GSK3B: variants seen among roughly 807,000 people sequenced by gnomAD.
The protein encoded by GSK3B is glycogen synthase kinase 3 beta, also known as glycogen synthase kinase-3 beta.
Under a neutral mutation model 56.4 loss-of-function variants are expected in GSK3B, and 15 were observed. The ratio of observed to expected loss-of-function variants is 0.27; its 90% confidence interval spans 0.18 to 0.41. GSK3B has a LOEUF of 0.41. Ranked by LOEUF, GSK3B falls within the 10% of genes least tolerant of loss-of-function variation. GSK3B has a pLI of 1.00. For missense variants in GSK3B, 300 were observed against 513.4 expected (o/e 0.58, Z 4.02); for synonymous variants, 181 against 188.9 (o/e 0.96, Z 0.34).
chr3:120,028,690 C>G (rs940595944), intron 1 of GSK3B: 2 of 427,016 alleles, frequency 4.7e-6, no homozygotes, highest in African/African-American at 4.1e-5. Context: ...TTCCTCCACA[C>G]GTCTCAAAAC....
chr3:120,091,493 G>T (rs112201072), intron 1 of GSK3B, among the ~76,000 whole-genome samples: 3,945 of 152,176 alleles, frequency 0.026, 176 homozygotes, highest in African/African-American at 0.089. Flanking sequence ...AGAAAATCCT[G>T]AAAAGAAAAT....
Position 119,825,959 on chromosome 3 carries a change from T to C in GSK3B, c.*829A>G, listed in dbSNP as rs1258087320. The C allele has an allele frequency of 2.3e-5, 5 of 214,844 alleles. No individual in the cohort carries two copies. The highest frequency in any genetic ancestry group is 3.7e-5 in the Non-Finnish European group (4 of 106,804). The allele number at this position is 214,844 out of a possible 1,614,324, so 13.3% of individuals were successfully genotyped here. A position where few individuals can be genotyped will look rare whatever the true frequency, so the allele number is the denominator to read the frequency against. On this transcript the variant is annotated 3_prime_UTR_variant, in exon 11 of 11. Coordinates refer to ENST00000264235, the MANE Select transcript of GSK3B (RefSeq NM_001146156.2). ...CTCAGCCTGCTCAACACCCCTTCCA[T>C]CTCCTCCCAGGTCACTAGTTTGAAA...
chr3:120,048,475 A>C (rs10934505), intron 1 of GSK3B, among the ~76,000 whole-genome samples: 1 of 151,996 alleles, frequency 6.6e-6, no homozygotes, highest in African/African-American at 2.4e-5. Context: ...CCACTTACTA[A>C]CTGTATTACT....
At chr3:120,021,478 G>A (rs974691915) in intron 1 of GSK3B, among the ~76,000 whole-genome samples, 6 of 151,592 alleles carry the variant, frequency 4.0e-5, no homozygotes, top group African/African-American at 7.3e-5. Context: ...ATTGCGCCAC[G>A]GCACTCCAGC....
chr3:120,050,174 A>T (rs2058136952), intron 1 of GSK3B, among the ~76,000 whole-genome samples: 1 of 152,188 alleles, frequency 6.6e-6, no homozygotes, highest in Non-Finnish European at 1.5e-5. Flanking sequence ...TTCCCATGAG[A>T]ACTAATCTAG....
intron 2 of GSK3B, among the ~76,000 whole-genome samples, chr3:119,949,187 G>C (rs960438826): frequency 6.6e-6 from 1 of 152,134 alleles, no homozygotes; most frequent in Non-Finnish European, 1.5e-5. Flanking sequence ...TAAATTCCCA[G>C]ATAACAGAAG....
At position 119,825,834 on chromosome 3, in the gene GSK3B, C is replaced by CT. The variant is rs1478950799; in HGVS notation, c.*953dup. 12 of 218,808 alleles carry CT rather than the reference C, an allele frequency of 5.5e-5. No individual in the cohort carries two copies. The highest frequency in any genetic ancestry group is 8.2e-5 in the Non-Finnish European group (9 of 109,286). 13.6% of individuals were successfully genotyped at this position (218,808 alleles called of 1,614,324 possible). A position where few individuals can be genotyped will look rare whatever the true frequency, so the allele number is the denominator to read the frequency against. On this transcript the variant is annotated 3_prime_UTR_variant, in exon 11 of 11. Transcript: ENST00000264235. ...AAGTGTATCTTTCCAAGGGAAGTAA[C>CT]TTTAGAAAAAAATCTGGACAAACTT...
chr3:119,871,720 A>T (rs2056251835), intron 8 of GSK3B, among the ~76,000 whole-genome samples: 1 of 152,206 alleles, frequency 6.6e-6, no homozygotes, highest in Non-Finnish European at 1.5e-5. Context: ...AGCAAGAGGC[A>T]GAAATGAATG....
chr3:119,862,498 C>T (rs60389731), intron 9 of GSK3B, among the ~76,000 whole-genome samples: 26,184 of 101,940 alleles, frequency 0.26, 3,372 homozygotes, highest in East Asian at 0.51. Context: ...ACAATGTGCA[C>T]ATGTACCCTA....
At chr3:120,077,283 T>C (rs1455156256) in intron 1 of GSK3B, among the ~76,000 whole-genome samples, 1 of 152,224 alleles carries the variant, frequency 6.6e-6, no homozygotes, top group Admixed American at 6.5e-5. Flanking sequence ...TGTCCATCAA[T>C]GGACGAATGG....
intron 1 of GSK3B, chr3:120,084,729 T>C (rs1481817734): frequency 6.6e-6 from 1 of 152,210 alleles, no homozygotes; most frequent in Admixed American, 6.5e-5. Flanking sequence ...CTATTTTAAA[T>C]GTGCTATTAA....
At chr3:119,944,266 G>C (rs1230613469) in intron 3 of GSK3B, among the ~76,000 whole-genome samples, 3 of 151,990 alleles carry the variant, frequency 2.0e-5, no homozygotes, top group African/African-American at 7.2e-5. Context: ...ACCTCAAAAA[G>C]AAAATTTCTA....
chr3:120,035,082 G>A (rs1314755283), intron 1 of GSK3B, among the ~76,000 whole-genome samples: 4 of 151,704 alleles, frequency 2.6e-5, no homozygotes, highest in Non-Finnish European at 4.4e-5. Flanking sequence ...GAGAGAGTGA[G>A]ACTCCATCTC....
chr3:120,060,473 A>G (rs2058227188), intron 1 of GSK3B, among the ~76,000 whole-genome samples: 1 of 152,134 alleles, frequency 6.6e-6, no homozygotes, highest in Non-Finnish European at 1.5e-5. Flanking sequence ...CACCCCTGTA[A>G]TCTCAGCACT....
chr3:120,013,968 G>A (rs1396735056), intron 1 of GSK3B, among the ~76,000 whole-genome samples: 1 of 150,280 alleles, frequency 6.7e-6, no homozygotes, highest in Non-Finnish European at 1.5e-5. Context: ...TCAGGAGTTC[G>A]AGACCAGCCT....
chr3:119,882,780 C>T (rs1392172515), intron 7 of GSK3B, among the ~76,000 whole-genome samples: 2 of 152,146 alleles, frequency 1.3e-5, no homozygotes, highest in South Asian at 4.1e-4. Context: ...AAGATTAATA[C>T]ACTTTTACCA....
At chr3:120,083,988 G>A (rs1204778656) in intron 1 of GSK3B, among the ~76,000 whole-genome samples, 1 of 152,188 alleles carries the variant, frequency 6.6e-6, no homozygotes, top group African/African-American at 2.4e-5. Context: ...GGAACATAGG[G>A]AATGGCTGCT....
chr3:119,831,526 G>A (rs1470484935), intron 10 of GSK3B, among the ~76,000 whole-genome samples: 6 of 151,748 alleles, frequency 4.0e-5, no homozygotes, highest in South Asian at 2.1e-4. Context: ...GCATAGTGGC[G>A]GGCGCCTGTA....
chr3:119,886,095 A>C (rs2056433276), intron 7 of GSK3B, among the ~76,000 whole-genome samples: 1 of 152,148 alleles, frequency 6.6e-6, no homozygotes, highest in Admixed American at 6.5e-5. Context: ...TCAGCAGAAT[A>C]AACAGACAAC....
Sources: gnomAD v4.1 joint callset for allele counts (sites outside exome capture counted in the v4.1 genomes callset) on GRCh38, gnomAD v4.1.1 for gene constraint, MANE v1.5 for transcripts, NCBI Gene and HGNC (gene_info 2026-07-23, HGNC 2026-07-21) for gene names.